The following JMJD6 variants were observed in gnomAD, a reference collection of about 807,000 sequenced individuals.
The protein encoded by JMJD6 is bifunctional arginine demethylase and lysyl-hydroxylase JMJD6.
Under a neutral mutation model 45.8 loss-of-function variants are expected in JMJD6, and 17 were observed. The ratio of observed to expected loss-of-function variants is 0.37; its 90% CI spans 0.25 to 0.56. The LOEUF (loss-of-function observed/expected upper bound fraction) is 0.56. JMJD6 is among the 20% of genes least tolerant of loss of function. The probability of loss-of-function intolerance (pLI) is 0.79; values close to 1 mark genes in which losing one functional copy is unlikely to be tolerated. For missense variants in JMJD6, 470 were observed against 517.5 expected, an observed-to-expected ratio of 0.91 and a Z score of 0.89; for synonymous variants, 221 against 196.3, an observed-to-expected ratio of 1.13 and a Z score of -1.05.
At chr17:76,718,359 C>A, downstream of JMJD6, 3 of 927,180 alleles carry the variant, frequency 3.2e-6, no homozygotes, top group Non-Finnish European at 4.2e-6. Flanking sequence ...CAAGGATGCA[C>A]AGCAGGAGTC....
Position 76,718,642 on chromosome 17 carries a change from T to C in JMJD6, c.*87A>G. The C allele has an allele frequency of 1.3e-6, 2 of 1,528,726 alleles. No homozygotes were observed. Among genetic ancestry groups the C allele is most frequent in the East Asian group, 2.3e-5 (1 of 42,938 alleles). 94.7% of individuals were successfully genotyped at this position (1,528,726 alleles called of 1,614,324 possible). The stretch of plus-strand genomic sequence containing the variant: ...TTCTTGGGCTCTGTCAGGCCTCCCC[T>C]TGTCTGCAGGACTGGACAGGCCACC... On this transcript the variant is annotated 3_prime_UTR_variant, in exon 6 of 6. Coordinates refer to ENST00000397625, the MANE Select transcript of JMJD6 (RefSeq NM_015167.3).
chr17:76,715,276 C>T (rs2143713706), downstream of JMJD6: 1 of 152,366 alleles, frequency 6.6e-6, no homozygotes, highest in Non-Finnish European at 1.5e-5. Context: ...CACCCAAACA[C>T]ATCCTGTGCC....
intron 3 of JMJD6, 141 bp from the exon 4 acceptor site, chr17:76,722,074 A>C (rs1183987859): frequency 7.1e-6 from 6 of 844,330 alleles, no homozygotes; most frequent in African/African-American, 6.9e-5. Flanking sequence ...CTTCTGATCC[A>C]GGGATTGCAA....
At chr17:76,725,965 C>A in intron 1 of JMJD6, 110 bp from the exon 2 acceptor site, 2 of 1,326,766 alleles carry the variant, frequency 1.5e-6, no homozygotes, top group South Asian at 3.1e-5. Flanking sequence ...GAAGTTGACT[C>A]TCGTCTGGCT....
chr17:76,715,250 A>G (rs760534998), downstream of JMJD6: 1 of 152,202 alleles, frequency 6.6e-6, no homozygotes, highest in Non-Finnish European at 1.5e-5. Context: ...ATACATTCAG[A>G]GTTTGACTTT....
chr17:76,719,287 G>C (rs974451261), intron 5 of JMJD6, among the ~76,000 whole-genome samples: 4 of 46,052 alleles, frequency 8.7e-5, no homozygotes, highest in African/African-American at 2.6e-4. Flanking sequence ...TGTGTGAAAA[G>C]ACAGAATTTT....
downstream of JMJD6, chr17:76,713,987 A>T (rs2076746974): frequency 6.6e-6 from 1 of 152,240 alleles, no homozygotes; most frequent in Non-Finnish European, 1.5e-5. Context: ...TGTCACCGTT[A>T]TCTCCAGCAC....
chr17:76,721,534 C>G, intron 4 of JMJD6: 1 of 471,422 alleles, frequency 2.1e-6, no homozygotes, highest in Non-Finnish European at 3.9e-6. Context: ...CAAAACAAAA[C>G]GAGAAACAAT....
At chr17:76,722,775 G>A (rs1022620156) in intron 3 of JMJD6, among the ~76,000 whole-genome samples, 2 of 148,322 alleles carry the variant, frequency 1.3e-5, no homozygotes, top group Admixed American at 6.8e-5. Context: ...GAACCTGGGA[G>A]GAGGAGGTTG....
chr17:76,718,298 G>A, downstream of JMJD6: 2 of 394,574 alleles, frequency 5.1e-6, no homozygotes, highest in Non-Finnish European at 7.7e-6. Flanking sequence ...AAGATGCCGG[G>A]TGACTTTTCC....
chr17:76,726,247 C>G (rs2076929249), intron 1 of JMJD6, 100 bp downstream of exon 1: 1 of 1,421,642 alleles, frequency 7.0e-7, no homozygotes, highest in Middle Eastern at 2.4e-4. Flanking sequence ...CTACGAGGTC[C>G]CGGGCGCTCG....
downstream of JMJD6, chr17:76,716,784 G>A: frequency 6.3e-7 from 1 of 1,584,208 alleles, no homozygotes; most frequent in Non-Finnish European, 8.7e-7. Context: ...GTACAAAGCT[G>A]GAAGGCAATG....
chr17:76,723,861 A>T lies in JMJD6; in HGVS notation c.716T>A (p.Ile239Asn). 1 of 1,614,126 alleles carries T rather than the reference A, an allele frequency of 6.2e-7. No individual in the cohort carries two copies. Among genetic ancestry groups the T allele is most frequent in the Non-Finnish European group, 8.5e-7 (1 of 1,180,020 alleles). ...GGTTGGAAGCTGTGTCCGGGGATAA[A>T]TAACATTAAACCAGGTAATAGCTTC... The part of the protein sequence containing the change: ...QDEAITWFNV[I>N]YPRTQLPTWP... Residue 239 changes from isoleucine (I) to asparagine (N), a missense_variant, in exon 3 of 6, where the codon ATT becomes AAT. This residue lies in a region of JMJD6 where 346 missense variants were observed against 339.5 expected (regional missense o/e 1.02). Transcript: ENST00000397625.
chr17:76,726,544 T>A lies in JMJD6; in HGVS notation c.-69A>T. On this transcript the variant is annotated 5_prime_UTR_variant, in exon 1 of 6. Transcript: ENST00000397625. ...CCGCTTCCTGACACTAACGCACCCC[T>A]CCCCGGCCTGGGCGGCGGCGACGGC... 2.6e-6 allele frequency: 4 copies of A among 1,512,286 alleles called. No homozygotes were observed. The highest frequency in any genetic ancestry group is 3.5e-6 in the Non-Finnish European group (4 of 1,135,262). The allele number at this position is 1,512,286 out of a possible 1,614,324, so 93.7% of individuals were successfully genotyped here. A position where few individuals can be genotyped will look rare whatever the true frequency, so the allele number is the denominator to read the frequency against.
chr17:76,719,157 AAAGTACATTAT>A (rs2076793838), intron 5 of JMJD6, among the ~76,000 whole-genome samples: 1 of 152,208 alleles, frequency 6.6e-6, no homozygotes, highest in African/African-American at 2.4e-5. Flanking sequence ...CAGAATTCTG[AAAGTACATTAT>A]AAGATTTCAC....
chr17:76,722,661 C>T (rs1334867139), intron 3 of JMJD6, among the ~76,000 whole-genome samples: 1 of 151,940 alleles, frequency 6.6e-6, no homozygotes, highest in Non-Finnish European at 1.5e-5. Context: ...GCCTGGGCAA[C>T]ATGATGAAAC....
In JMJD6 at chr17:76,721,796, A is replaced by G; in HGVS notation, c.941+2T>C. On this transcript the variant is annotated splice_donor_variant, in intron 4 of 5. Transcript: ENST00000397625. LOFTEE classifies it high-confidence loss of function. ...CAGAAATAAGAAAAAAATGACTCTCACCTATACCATTTCCTTGATAACTTT... is the reference window on the plus strand; with the variant it reads ...CAGAAATAAGAAAAAAATGACTCTCGCCTATACCATTTCCTTGATAACTTT... 6.2e-7 allele frequency: 1 copy of G among 1,613,568 alleles called. No homozygotes were observed. The highest frequency in any genetic ancestry group is 8.5e-7 in the Non-Finnish European group (1 of 1,179,798).
Position 76,720,454 on chromosome 17 carries a change from G to A in JMJD6, c.986C>T (p.Ser329Leu), listed in dbSNP as rs770170377. The change falls in exon 5 of 6, where the codon TCG (serine) becomes TTG (leucine). Residue 329 changes from serine (S) to leucine (L), a missense_variant. By Grantham distance (145) the Ser-to-Leu change is moderately radical. Coordinates refer to ENST00000397625, the MANE Select transcript of JMJD6 (RefSeq NM_015167.3). ...EHPELAVLAD[S>L]VDLQESTGIA... ...CCCTGTGGACTCCTGAAGGTCAACC[G>A]AGTCTGCGAGGACTGCCAACTCGGG... The A allele has an allele frequency of 4.3e-6, 7 of 1,613,932 alleles. No individual in the cohort carries two copies. The Middle Eastern group carries it at 4.9e-4, about 114-fold the overall frequency.
At chr17:76,723,642 C>T (rs572892421) in intron 3 of JMJD6, 130 bp downstream of exon 3, 18 of 851,666 alleles carry the variant, frequency 2.1e-5, no homozygotes, top group African/African-American at 5.1e-5. Flanking sequence ...GGGGTTTCAC[C>T]GTGTTAGCAA....
Sources: gnomAD v4.1 joint callset for allele counts (sites outside exome capture counted in the v4.1 genomes callset) on GRCh38, gnomAD v4.1.1 for gene constraint, gnomAD v4.1.1 regional missense constraint, MANE v1.5 for transcripts, NCBI Gene and HGNC (gene_info 2026-07-23, HGNC 2026-07-21) for gene names.